The following JAG2 variants were observed in gnomAD, a reference collection of about 807,000 sequenced individuals.
JAG2 encodes protein jagged-2.
A neutral mutation model predicts 141.7 loss-of-function variants in JAG2; 46 were observed. The observed-to-expected ratio is 0.32, with a 90% CI of 0.26 to 0.42. The LOEUF (loss-of-function observed/expected upper bound fraction) is 0.42. JAG2 is among the 10% of genes least tolerant of loss of function. The pLI, the probability that JAG2 is intolerant of heterozygous loss-of-function variation, is 1.00. For missense variants in JAG2, 1,500 were observed against 1,817.5 expected (o/e 0.83, Z 3.18); for synonymous variants, 862 against 763.5 (o/e 1.13, Z -2.13).
Position 105,145,798 on chromosome 14 carries a change from C to T in JAG2, c.2885G>A (p.Arg962His), listed in dbSNP as rs748620925. 21 of 1,573,516 alleles carry T rather than the reference C, an allele frequency of 1.3e-5. No individual in the cohort carries two copies. Among genetic ancestry groups the T allele is most frequent in the Admixed American group, 9.1e-5 (5 of 54,786 alleles). Residue 962 changes from arginine to histidine, a missense_variant, in exon 23 of 26, where the codon CGC (arginine) becomes CAC (histidine). Arg to His is a conservative substitution (Grantham distance 29, BLOSUM62 0). Around this residue, in one of 3 missense-constraint regions of JAG2, gnomAD observed 425 missense variants for 441.0 expected, o/e 0.96. Transcript: ENST00000331782. ...EEPPSTPCLP[R>H]SGHLDNNCAR... The stretch of plus-strand genomic sequence containing the variant: ...ACAGTTATTGTCCAGGTGGCCGGAG[C>T]GTGGCAGGCAGGGGGTGCTCGGTGG...
At chr14:105,144,794 C>A in intron 24 of JAG2, 136 bp downstream of exon 24, 1 of 1,156,822 alleles carries the variant, frequency 8.6e-7, no homozygotes, top group South Asian at 1.3e-5. Flanking sequence ...CAGCGAGGGG[C>A]CGCAGGGAGA....
At chr14:105,156,077 G>A in intron 3 of JAG2, 88 bp from the exon 4 acceptor site, 3 of 1,508,670 alleles carry the variant, frequency 2.0e-6, no homozygotes, top group Non-Finnish European at 1.8e-6. Context: ...GCAGAAGCCT[G>A]CGGCTGCTGC....
chr14:105,157,779 G>C lies in JAG2; in HGVS notation c.418-16C>G. ...TAAAGGAGCGCTGCAGACATGGGGA[G>C]GCGGGTCAGGTACCTGAGGCCACAC... On this transcript the variant is annotated splice_polypyrimidine_tract_variant and intron_variant, in intron 2 of 25. Coordinates refer to ENST00000331782, the MANE Select transcript of JAG2 (RefSeq NM_002226.5). 5 of 1,564,492 alleles carry C rather than the reference G, an allele frequency of 3.2e-6. No individual in the cohort carries two copies. The highest frequency in any genetic ancestry group is 4.3e-6 in the Non-Finnish European group (5 of 1,156,486).
chr14:105,156,014 C>T, intron 3 of JAG2, 25 bp from the exon 4 acceptor site: 1 of 1,597,900 alleles, frequency 6.3e-7, no homozygotes, highest in South Asian at 1.1e-5. Flanking sequence ...AGAGTCAGCA[C>T]AGGCCAGAGA....
intron 25 of JAG2, 122 bp downstream of exon 25, chr14:105,143,360 G>A: frequency 7.6e-7 from 1 of 1,321,270 alleles, no homozygotes; most frequent in Non-Finnish European, 1.0e-6. Flanking sequence ...GGCTGGGGCA[G>A]CAGGTGCCAG....
Position 105,141,237 on chromosome 14 carries a change from C to G in JAG2, c.*1458G>C, listed in dbSNP as rs1187554046. On this transcript the variant is annotated 3_prime_UTR_variant, in exon 26 of 26. Coordinates refer to ENST00000331782, the MANE Select transcript of JAG2 (RefSeq NM_002226.5). The stretch of plus-strand genomic sequence containing the variant: ...AGCCCTGAGGCCACCATGCCACGTT[C>G]CAGTTGGCTCAAGCAGTGAGGGGCA... 1 of 152,304 alleles carries G rather than the reference C, an allele frequency of 6.6e-6. No homozygotes were observed. Among genetic ancestry groups the G allele is most frequent in the East Asian group, 1.9e-4 (1 of 5,180 alleles). 9.4% of individuals were successfully genotyped at this position (152,304 alleles called of 1,614,324 possible). A position where few individuals can be genotyped will look rare whatever the true frequency, so the allele number is the denominator to read the frequency against.
chr14:105,151,200 C>A (rs1888415495), intron 9 of JAG2, 83 bp downstream of exon 9: 1 of 1,470,846 alleles, frequency 6.8e-7, no homozygotes, highest in African/African-American at 1.5e-5. Context: ...GCCCCAGCAG[C>A]CCCAGCAGCC....
chr14:105,143,462 G>A lies in JAG2; in HGVS notation c.3241+20C>T, dbSNP rs1346097542. On this transcript the variant is annotated intron_variant, in intron 25 of 25. Transcript: ENST00000331782. ...GTTGCCTGCCTGGTGCCTTCCCAGG[G>A]GCCCACCTCCCGCGCTTACCTGTGG... is the stretch of plus-strand genomic sequence containing the variant. 71 of 1,542,854 alleles carry A rather than the reference G, an allele frequency of 4.6e-5. No individual in the cohort carries two copies. The highest frequency in any genetic ancestry group is 5.7e-5 in the Non-Finnish European group (65 of 1,147,154).
chr14:105,150,645 G>A lies in JAG2; in HGVS notation c.1561C>T (p.His521Tyr), dbSNP rs760404529. ...GAGAAGCCCTGGGGGCAGTGGCAGTGGAAGCCGTCGGCCAGGTCCTCGCAG... is the reference window on the plus strand; with the variant it reads ...GAGAAGCCCTGGGGGCAGTGGCAGTAGAAGCCGTCGGCCAGGTCCTCGCAG... ...GLCEDLADGF[H>Y]CHCPQGFSGP... Residue 521 changes from histidine (H) to tyrosine (Y), a missense_variant, in exon 12 of 26, where the codon CAC (histidine) becomes TAC (tyrosine). His to Tyr is a moderately conservative substitution (Grantham distance 83, BLOSUM62 2). Around this residue, in one of 3 missense-constraint regions of JAG2, gnomAD observed 875 missense variants for 1,202.2 expected, o/e 0.73. Transcript: ENST00000331782. 4 of 1,549,720 alleles carry A rather than the reference G, an allele frequency of 2.6e-6. No individual in the cohort carries two copies. Among genetic ancestry groups the A allele is most frequent in the Non-Finnish European group, 3.5e-6 (4 of 1,146,640 alleles).
chr14:105,148,647 C>T (rs1246235177), intron 15 of JAG2, 98 bp downstream of exon 15: 86 of 1,153,362 alleles, frequency 7.5e-5, no homozygotes, highest in Admixed American at 1.6e-4. Context: ...TTTCTGGGTA[C>T]GGGGCCTGCC....
chr14:105,168,319 G>A lies in JAG2; in HGVS notation c.66+36C>T, dbSNP rs1189278298. ...CCCTAGGGGCGGCCCGGTGTGCCCC[G>A]TCCGCGACCCCCGCCGCCCCCGCCG... is the stretch of plus-strand genomic sequence containing the variant. On this transcript the variant is annotated intron_variant, in intron 1 of 25. Coordinates refer to ENST00000331782, the MANE Select transcript of JAG2 (RefSeq NM_002226.5). 7.5e-6 allele frequency: 4 copies of A among 530,284 alleles called. No homozygotes were observed. The African/African-American group carries it at 8.6e-5, about 11-fold the overall frequency. The allele number at this position is 530,284 out of a possible 1,614,324, so 32.8% of individuals were successfully genotyped here. A position where few individuals can be genotyped will look rare whatever the true frequency, so the allele number is the denominator to read the frequency against.
At position 105,146,661 on chromosome 14, in the gene JAG2, C is replaced by T. The variant is rs1888234808; in HGVS notation, c.2543G>A (p.Gly848Glu). The change falls in exon 21 of 26, where the codon GGG becomes GAG. Residue 848 changes from glycine to glutamate, a missense_variant. Coordinates refer to ENST00000331782, the MANE Select transcript of JAG2 (RefSeq NM_002226.5). ...GCCGGGTGGGCAGCTACAGCGATAC[C>T]CGTTGATCTCATCCACACACGTGGC... ...YGATCVDEINGYRCSCPPGRA... is the reference protein window; with the variant it reads ...YGATCVDEINEYRCSCPPGRA... The T allele has an allele frequency of 1.2e-6, 2 of 1,612,590 alleles. No individual in the cohort carries two copies. Among genetic ancestry groups the T allele is most frequent in the African/African-American group, 2.7e-5 (2 of 74,944 alleles).
chr14:105,148,239 C>T lies in JAG2; in HGVS notation c.2135-10G>A, dbSNP rs1200365647. On this transcript the variant is annotated splice_polypyrimidine_tract_variant and intron_variant, in intron 16 of 25. Coordinates refer to ENST00000331782, the MANE Select transcript of JAG2 (RefSeq NM_002226.5). ...TCGCACTGGAACTCGCCTGTTGGCACATGGGCCGCTCAGCAGGCAGGCCCC... is the reference window on the plus strand; with the variant it reads ...TCGCACTGGAACTCGCCTGTTGGCATATGGGCCGCTCAGCAGGCAGGCCCC... 1 of 1,565,612 alleles carries T rather than the reference C, an allele frequency of 6.4e-7. No homozygotes were observed. The highest frequency in any genetic ancestry group is 8.7e-7 in the Non-Finnish European group (1 of 1,155,520).
intron 12 of JAG2, among the ~76,000 whole-genome samples, chr14:105,150,126 A>C (rs1442714066): frequency 4.9e-5 from 1 of 20,354 alleles, no homozygotes; most frequent in East Asian, 1.6e-3. Context: ...GCAGGGGGGA[A>C]GGGGAGGTTG....
At chr14:105,145,471 G>A (rs1335353586) in intron 23 of JAG2, among the ~76,000 whole-genome samples, 1 of 152,200 alleles carries the variant, frequency 6.6e-6, no homozygotes, top group Non-Finnish European at 1.5e-5. Flanking sequence ...CAGCCATGGC[G>A]CCGTCAGTCC....
Position 105,143,125 on chromosome 14 carries a change from A to C in JAG2, c.3287T>G (p.Leu1096Arg). 6.3e-7 allele frequency: 1 copy of C among 1,599,122 alleles called. No individual in the cohort carries two copies. The highest frequency in any genetic ancestry group is 8.5e-7 in the Non-Finnish European group (1 of 1,179,694). The change falls in exon 26 of 26, where the codon CTG becomes CGG. Residue 1096 changes from leucine to arginine, a missense_variant. By Grantham distance (102) the Leu-to-Arg change is moderately radical. Coordinates refer to ENST00000331782, the MANE Select transcript of JAG2 (RefSeq NM_002226.5). Reference protein sequence around the residue: ...VLCGAFSVLWLACVVLCVWWT... With the variant: ...VLCGAFSVLWRACVVLCVWWT... ...CCACACGCACAGGACCACGCACGCC[A>C]GCCACAGCACGCTGAAGGCACCACA... is the stretch of plus-strand genomic sequence containing the variant.
chr14:105,147,726 C>CTGGG, intron 18 of JAG2, 46 bp downstream of exon 18: 7 of 1,367,734 alleles, frequency 5.1e-6, no homozygotes, highest in Non-Finnish European at 7.1e-6. Context: ...GGGATGTCAT[C>CTGGG]TGGGTGGAGG....
In JAG2 at chr14:105,147,245, C is replaced by G. The variant is rs587627740; in HGVS notation, c.2479+81G>C. ...TGTGGCCACACTGCCCTTCAAGGGA[C>G]GTGGACGTTGATGTCCCCAGACTCC... On this transcript the variant is annotated intron_variant, in intron 20 of 25. Transcript: ENST00000331782. 1.0e-5 allele frequency: 11 copies of G among 1,075,938 alleles called. No homozygotes were observed. In the East Asian group the frequency reaches 2.6e-4, roughly 25 times the overall value. The allele number at this position is 1,075,938 out of a possible 1,614,324, so 66.6% of individuals were successfully genotyped here.
In JAG2 at chr14:105,141,163, T is replaced by C. The variant is rs1027232375; in HGVS notation, c.*1532A>G. The C allele has an allele frequency of 1.3e-5, 2 of 152,118 alleles. No homozygotes were observed. Among genetic ancestry groups the C allele is most frequent in the Non-Finnish European group, 1.5e-5 (1 of 68,040 alleles). 9.4% of individuals were successfully genotyped at this position (152,118 alleles called of 1,614,324 possible). ...TCACAGCAGGGTAAAGACTTGCACA[T>C]CACTGACAGGCGGCTCGGAGTCAGC... is the stretch of plus-strand genomic sequence containing the variant. On this transcript the variant is annotated 3_prime_UTR_variant, in exon 26 of 26. Coordinates refer to ENST00000331782, the MANE Select transcript of JAG2 (RefSeq NM_002226.5).
Sources: gnomAD v4.1 joint callset for allele counts (sites outside exome capture counted in the v4.1 genomes callset) on GRCh38, gnomAD v4.1.1 for gene constraint, gnomAD v4.1.1 regional missense constraint, MANE v1.5 for transcripts, NCBI Gene and HGNC (gene_info 2026-07-23, HGNC 2026-07-21) for gene names.